The following FHOD3 variants were observed in gnomAD, a reference collection of about 807,000 sequenced individuals.
The protein encoded by FHOD3 is FH1/FH2 domain-containing protein 3.
A neutral mutation model predicts 173.0 loss-of-function variants in FHOD3; 90 were observed. That is an observed-to-expected ratio of 0.52 (90% CI 0.44 to 0.62). The LOEUF (loss-of-function observed/expected upper bound fraction) is 0.62, where lower values mean the gene tolerates loss of function less well. Among genes scored for constraint, FHOD3 ranks in the 20% least tolerant of loss-of-function variants. The pLI is 0.00. For synonymous variants in FHOD3, 828 were observed against 823.0 expected (o/e 1.01, Z -0.10); for missense variants, 1,945 against 2,034.7 (o/e 0.96, Z 0.85).
chr18:36,458,753 T>C (rs2052376088), intron 3 of FHOD3, among the ~76,000 whole-genome samples: 1 of 149,438 alleles, frequency 6.7e-6, no homozygotes, highest in African/African-American at 2.5e-5. Flanking sequence ...CGGGGTGACT[T>C]GGCCAAGCTA....
At chr18:36,601,718 T>C (rs148797498) in intron 7 of FHOD3, among the ~76,000 whole-genome samples, 1,603 of 152,348 alleles carry the variant, frequency 0.011, 15 homozygotes, top group Non-Finnish European at 0.013. Flanking sequence ...GAGATCTTTA[T>C]AGAGAAAGCA....
In FHOD3 at chr18:36,578,965, G is replaced by C. The variant is rs1398585614; in HGVS notation, c.606+2420G>C. ...GAAAATCTTTAAAAAAAAATGTTTG[G>C]CTTTGTTTTCTATGGAAAATGGAAG... On this transcript the variant is annotated intron_variant, in intron 6 of 28. Coordinates refer to ENST00000590592, the MANE Select transcript of FHOD3 (RefSeq NM_001281740.3). 2.6e-5 allele frequency among the ~76,000 whole-genome samples: 4 copies of C among 152,098 alleles called. No homozygotes were observed. In the South Asian group the frequency reaches 8.3e-4, roughly 32 times the overall value.
intron 5 of FHOD3, among the ~76,000 whole-genome samples, chr18:36,547,658 G>A (rs1349813877): frequency 7.9e-5 from 12 of 152,118 alleles, no homozygotes; most frequent in African/African-American, 2.7e-4. Flanking sequence ...AACAGAACAC[G>A]GGAGGGAGGA....
chr18:36,633,359 C>G (rs77529051), intron 10 of FHOD3, among the ~76,000 whole-genome samples: 3,905 of 152,288 alleles, frequency 0.026, 179 homozygotes, highest in African/African-American at 0.09. Context: ...GACAGTTTAA[C>G]AACTGCCAGG....
intron 18 of FHOD3, among the ~76,000 whole-genome samples, chr18:36,714,790 T>A (rs1220794978): frequency 6.6e-6 from 1 of 152,220 alleles, no homozygotes; most frequent in Non-Finnish European, 1.5e-5. Flanking sequence ...TAAGATATTT[T>A]GTTTGTAAAA....
intron 19 of FHOD3, among the ~76,000 whole-genome samples, chr18:36,729,391 G>T (rs2041238994): frequency 6.6e-6 from 1 of 152,210 alleles, no homozygotes; most frequent in Non-Finnish European, 1.5e-5. Context: ...TGTGGTCACA[G>T]CTCTGGCCAG....
chr18:36,555,925 T>G (rs1350151948), intron 5 of FHOD3, among the ~76,000 whole-genome samples: 2 of 152,174 alleles, frequency 1.3e-5, no homozygotes, highest in Non-Finnish European at 2.9e-5. Context: ...TAGCTGATTT[T>G]TTTCTCTTTA....
intron 20 of FHOD3, among the ~76,000 whole-genome samples, chr18:36,734,148 G>A (rs576097519): frequency 6.6e-6 from 1 of 152,338 alleles, no homozygotes; most frequent in African/African-American, 2.4e-5. Flanking sequence ...ACAGCCACAG[G>A]AAACACTGGT....
rs28589587 is a variant in FHOD3 at position 36,761,225 on chromosome 18, A to C, written c.4624+443A>C. Among the ~76,000 whole-genome samples the C allele has an allele frequency of 2.7e-3, 410 of 152,320 alleles. 1 individual carries two copies. Among genetic ancestry groups the C allele is most frequent in the African/African-American group, 9.7e-3 (404 of 41,568 alleles). On this transcript the variant is annotated intron_variant, in intron 27 of 28. Coordinates refer to ENST00000590592, the MANE Select transcript of FHOD3 (RefSeq NM_001281740.3). ...CCTAAAACATCTACTACACAGGACA[A>C]GGTTGCCAACCCTGCCCTACAGCAC...
At chr18:36,440,294 C>T (rs531238274) in intron 3 of FHOD3, among the ~76,000 whole-genome samples, 1 of 152,344 alleles carries the variant, frequency 6.6e-6, no homozygotes, top group Non-Finnish European at 1.5e-5. Flanking sequence ...TCATCTTCTG[C>T]AGCAGAAGCA....
chr18:36,611,844 G>A (rs2032710255), intron 8 of FHOD3, 108 bp from the exon 9 acceptor site: 3 of 1,089,220 alleles, frequency 2.8e-6, no homozygotes, highest in Non-Finnish European at 3.9e-6. Flanking sequence ...GGATTGATTA[G>A]TGGCCATGAT....
At chr18:36,416,888 A>C (rs969771349) in intron 3 of FHOD3, among the ~76,000 whole-genome samples, 2 of 152,082 alleles carry the variant, frequency 1.3e-5, no homozygotes, top group African/African-American at 4.8e-5. Flanking sequence ...TCCTTTTTCC[A>C]AGCAGTTCAA....
At chr18:36,522,063 T>C (rs1479407366) in intron 5 of FHOD3, among the ~76,000 whole-genome samples, 1 of 152,220 alleles carries the variant, frequency 6.6e-6, no homozygotes, top group Non-Finnish European at 1.5e-5. Flanking sequence ...TACCCTGGTC[T>C]TGACTCACTG....
chr18:36,410,522 G>A (rs183652242), intron 3 of FHOD3, among the ~76,000 whole-genome samples: 64 of 151,636 alleles, frequency 4.2e-4, no homozygotes, highest in East Asian at 1.9e-4. Context: ...GAATGGGATG[G>A]TTAGATCAGT....
chr18:36,461,985 T>C (rs940285621), intron 3 of FHOD3, among the ~76,000 whole-genome samples: 7 of 152,214 alleles, frequency 4.6e-5, no homozygotes, highest in Non-Finnish European at 8.8e-5. Context: ...GAAGATAACT[T>C]TCAGGTCTAA....
intron 5 of FHOD3, among the ~76,000 whole-genome samples, chr18:36,552,063 A>C (rs2057679977): frequency 6.6e-6 from 1 of 152,178 alleles, no homozygotes; most frequent in African/African-American, 2.4e-5. Flanking sequence ...TGGGGATGGC[A>C]TTAAATCTGT....
intron 14 of FHOD3, among the ~76,000 whole-genome samples, chr18:36,660,700 T>TC (rs1189128039): frequency 6.6e-6 from 1 of 152,170 alleles, no homozygotes. Flanking sequence ...GCATGGGTGG[T>TC]CCAAGGAGCC....
At chr18:36,317,578 T>G in intron 1 of FHOD3, among the ~76,000 whole-genome samples, 1 of 152,234 alleles carries the variant, frequency 6.6e-6, no homozygotes, top group East Asian at 1.9e-4. Context: ...GGTTGTTTGT[T>G]TTTTTCTTGT....
intron 19 of FHOD3, among the ~76,000 whole-genome samples, chr18:36,720,347 C>T (rs911011252): frequency 1.8e-4 from 27 of 150,756 alleles, no homozygotes; most frequent in Non-Finnish European, 2.5e-4. Context: ...AAGAGATTCT[C>T]CTGCCTCCGC....
Sources: gnomAD v4.1 joint callset for allele counts (sites outside exome capture counted in the v4.1 genomes callset) on GRCh38, gnomAD v4.1.1 for gene constraint, MANE v1.5 for transcripts, NCBI Gene and HGNC (gene_info 2026-07-23, HGNC 2026-07-21) for gene names.